The following CLNK variants were observed in gnomAD, a reference collection of about 807,000 sequenced individuals.
The protein encoded by CLNK is cytokine dependent hematopoietic cell linker, also known as cytokine-dependent hematopoietic cell linker.
A neutral mutation model predicts 68.6 loss-of-function variants in CLNK; 74 were observed. The ratio of observed to expected loss-of-function variants is 1.08; its 90% confidence interval spans 0.89 to 1.31. The LOEUF (loss-of-function observed/expected upper bound fraction) is 1.31, where lower values mean the gene tolerates loss of function less well. CLNK is among the 50% of genes most tolerant of loss of function. The pLI, the probability that CLNK is intolerant of heterozygous loss-of-function variation, is 0.00. For missense variants in CLNK, 553 were observed against 515.3 expected (o/e 1.07, Z -0.71); for synonymous variants, 198 against 172.2 (o/e 1.15, Z -1.17).
chr4:10,708,221 G>A, the CLNK span, among the ~76,000 whole-genome samples: 14 of 152,080 alleles, frequency 9.2e-5, no homozygotes, highest in African/African-American at 2.7e-4. Flanking sequence ...CCAGTTTTTC[G>A]CATCCGAAAG....
chr4:10,582,547 G>A (rs1720820933), intron 4 of CLNK, among the ~76,000 whole-genome samples: 1 of 151,958 alleles, frequency 6.6e-6, no homozygotes, highest in Non-Finnish European at 1.5e-5. Context: ...TTTATTTAGG[G>A]GAAGGAGAAA....
intron 3 of CLNK, among the ~76,000 whole-genome samples, 193 bp downstream of exon 3, chr4:10,597,785 G>A (rs930709782): frequency 2.0e-5 from 3 of 152,150 alleles, no homozygotes; most frequent in African/African-American, 7.2e-5. Context: ...CTCAGCCTAG[G>A]TTTGTATCAC....
intron 2 of CLNK, among the ~76,000 whole-genome samples, chr4:10,644,480 G>A (rs1723433651): frequency 6.6e-6 from 1 of 152,126 alleles, no homozygotes; most frequent in Non-Finnish European, 1.5e-5. Flanking sequence ...CTGAGGTTTG[G>A]TCGCATGTAA....
In CLNK at chr4:10,507,964, TCTC is replaced by T; in HGVS notation, c.976_978del (p.Glu326del). ...GGCCACGTAGAAGGCATTACCTTGT[TCTC>T]CTTCATGAATGCCTCTTCCACTGCC... On this transcript the variant is annotated inframe_deletion, in exon 17 of 19. Transcript: ENST00000226951. 1 of 1,604,838 alleles carries T rather than the reference TCTC, an allele frequency of 6.2e-7. No individual in the cohort carries two copies. The highest frequency in any genetic ancestry group is 8.5e-7 in the Non-Finnish European group (1 of 1,175,032).
intron 12 of CLNK, among the ~76,000 whole-genome samples, chr4:10,530,577 A>G (rs1718495914): frequency 6.6e-6 from 1 of 152,338 alleles, no homozygotes; most frequent in African/African-American, 2.4e-5. Context: ...AAAGTTGCAA[A>G]GAAAACAAAC....
At chr4:10,703,052 C>A in the CLNK span, among the ~76,000 whole-genome samples, 1 of 152,126 alleles carries the variant, frequency 6.6e-6, no homozygotes, top group Non-Finnish European at 1.5e-5. Flanking sequence ...GGGCAGCATT[C>A]AGCGCAGAGG....
At chr4:10,616,790 G>GTATATATATATA (rs58333228) in intron 2 of CLNK, among the ~76,000 whole-genome samples, 12 of 64,376 alleles carry the variant, frequency 1.9e-4, no homozygotes, top group African/African-American at 3.3e-4. Context: ...GTGTGTGTGT[G>GTATATATATATA]TATATATATA....
intron 1 of CLNK, among the ~76,000 whole-genome samples, chr4:10,671,100 T>G (rs1724614187): frequency 6.6e-6 from 1 of 152,160 alleles, no homozygotes; most frequent in African/African-American, 2.4e-5. Context: ...AAAGCAGAAT[T>G]TGAGGCCAGA....
chr4:10,650,447 T>C (rs190296396), intron 2 of CLNK, among the ~76,000 whole-genome samples: 1 of 152,078 alleles, frequency 6.6e-6, no homozygotes, highest in Non-Finnish European at 1.5e-5. Flanking sequence ...CATCTATCCA[T>C]ATTATAGTAA....
intron 3 of CLNK, among the ~76,000 whole-genome samples, chr4:10,586,024 T>G (rs1414641127): frequency 2.0e-5 from 3 of 152,078 alleles, no homozygotes; most frequent in Admixed American, 6.6e-5. Flanking sequence ...ACAAAGAGCG[T>G]GAACCTAGAT....
At chr4:10,598,708 CATT>C in intron 2 of CLNK, 1 of 433,134 alleles carries the variant, frequency 2.3e-6, no homozygotes, top group Admixed American at 2.6e-5. Flanking sequence ...CATAAAGCAT[CATT>C]GTTATGCATT....
the CLNK span, among the ~76,000 whole-genome samples, chr4:10,715,068 A>G: frequency 3.9e-5 from 6 of 152,174 alleles, no homozygotes; most frequent in African/African-American, 1.4e-4. Context: ...AAAACAATAA[A>G]TTGCCTCAAA....
intron 1 of CLNK, among the ~76,000 whole-genome samples, chr4:10,680,458 G>A (rs1322897404): frequency 6.6e-6 from 1 of 151,762 alleles, no homozygotes; most frequent in Non-Finnish European, 1.5e-5. Context: ...CATGTCACAT[G>A]TATACATATG....
At chr4:10,614,284 T>C (rs1052754474) in intron 2 of CLNK, among the ~76,000 whole-genome samples, 2 of 152,182 alleles carry the variant, frequency 1.3e-5, no homozygotes, top group African/African-American at 4.8e-5. Context: ...CAAATAATGG[T>C]AAACACTGTC....
chr4:10,620,577 G>T (rs954816529), intron 2 of CLNK, among the ~76,000 whole-genome samples: 2 of 152,166 alleles, frequency 1.3e-5, no homozygotes, highest in African/African-American at 4.8e-5. Flanking sequence ...TGCCTAGGCT[G>T]CAGGGCTCCC....
At chr4:10,621,993 G>C (rs1433516133) in intron 2 of CLNK, among the ~76,000 whole-genome samples, 1 of 152,166 alleles carries the variant, frequency 6.6e-6, no homozygotes, top group Non-Finnish European at 1.5e-5. Context: ...TTTCATCTGA[G>C]CAAAACAGGA....
chr4:10,506,140 A>C (rs115758458), intron 17 of CLNK, among the ~76,000 whole-genome samples: 4 of 152,006 alleles, frequency 2.6e-5, no homozygotes, highest in African/African-American at 9.7e-5. Flanking sequence ...TTCGATAATC[A>C]TTTGCTCTTT....
At chr4:10,650,106 G>T (rs998029503) in intron 2 of CLNK, among the ~76,000 whole-genome samples, 3 of 152,056 alleles carry the variant, frequency 2.0e-5, no homozygotes, top group Non-Finnish European at 4.4e-5. Context: ...AAGTAGATTT[G>T]TGAAAAAAAT....
At chr4:10,592,699 G>A (rs1721223560) in intron 3 of CLNK, among the ~76,000 whole-genome samples, 1 of 151,592 alleles carries the variant, frequency 6.6e-6, no homozygotes, top group South Asian at 2.1e-4. Context: ...CTTGTTGTTT[G>A]TTTGTTTGTT....
Sources: gnomAD v4.1 joint callset for allele counts (sites outside exome capture counted in the v4.1 genomes callset) on GRCh38, gnomAD v4.1.1 for gene constraint, MANE v1.5 for transcripts, NCBI Gene and HGNC (gene_info 2026-07-23, HGNC 2026-07-21) for gene names.